Variants in ZNF264 observed in about 807,000 individuals in gnomAD.
ZNF264 encodes zinc finger protein 264.
ZNF264 carries 11 observed loss-of-function variants against 11.2 expected under a neutral mutation model. That is an observed-to-expected ratio of 0.98 (90% confidence interval 0.62 to 1.63). The LOEUF is 1.63. ZNF264 is among the 40% of genes most tolerant of loss of function. ZNF264 has a pLI of 0.00. For missense variants in ZNF264, 752 were observed against 768.1 expected (o/e 0.98, Z 0.25); for synonymous variants, 309 against 279.8 (o/e 1.10, Z -1.04).
Position 57,191,778 on chromosome 19 carries a change from C to G in ZNF264, c.-136C>G. 1 of 594,148 alleles carries G rather than the reference C, an allele frequency of 1.7e-6. No homozygotes were observed. Among genetic ancestry groups the G allele is most frequent in the Non-Finnish European group, 2.5e-6 (1 of 405,178 alleles). The allele number at this position is 594,148 out of a possible 1,614,324, so 36.8% of individuals were successfully genotyped here. A position where few individuals can be genotyped will look rare whatever the true frequency, so the allele number is the denominator to read the frequency against. ...AGGCGGCGGCCCTGCGTCTGGAACG[C>G]CGTTGCCACCGAGGAGGCGGCGGCC... On this transcript the variant is annotated 5_prime_UTR_variant, in exon 1 of 4. Coordinates refer to ENST00000263095, the MANE Select transcript of ZNF264 (RefSeq NM_003417.5).
rs540904580 is a variant in ZNF264 at position 57,214,544 on chromosome 19, G to C, written c.*1563G>C. On this transcript the variant is annotated 3_prime_UTR_variant, in exon 4 of 4. Coordinates refer to ENST00000263095, the MANE Select transcript of ZNF264 (RefSeq NM_003417.5). Reference sequence around the variant, plus strand: ...TTTTTGTATTTTTTGGTAGAGACAGGGTTTCACCATGGTGCCCAGGCTGGT... The same window carrying C: ...TTTTTGTATTTTTTGGTAGAGACAGCGTTTCACCATGGTGCCCAGGCTGGT... 1 of 152,156 alleles carries C rather than the reference G, an allele frequency of 6.6e-6. No homozygotes were observed. The highest frequency in any genetic ancestry group is 1.5e-5 in the Non-Finnish European group (1 of 68,088). The allele number at this position is 152,156 out of a possible 1,614,324, so 9.4% of individuals were successfully genotyped here.
rs1285217346 is a variant in ZNF264 at position 57,222,725 on chromosome 19, TTTG to T, written c.*9748_*9750del. The T allele has an allele frequency of 2.0e-5, 3 of 152,186 alleles. No homozygotes were observed. The highest frequency in any genetic ancestry group is 7.2e-5 in the African/African-American group (3 of 41,438). The allele number at this position is 152,186 out of a possible 1,614,324, so 9.4% of individuals were successfully genotyped here. A position where few individuals can be genotyped will look rare whatever the true frequency, so the allele number is the denominator to read the frequency against. ...ATATATGTAAACAATTTGTCATCCT[TTTG>T]TTGCTGCTTTTGAAACTAGTTCATG... On this transcript the variant is annotated 3_prime_UTR_variant, in exon 4 of 4. Coordinates refer to ENST00000263095, the MANE Select transcript of ZNF264 (RefSeq NM_003417.5).
intron 1 of ZNF264, among the ~76,000 whole-genome samples, chr19:57,193,038 AC>A (rs199911445): frequency 0.011 from 1,695 of 152,182 alleles, 41 homozygotes; most frequent in African/African-American, 0.039. Context: ...GCCCACAGAT[AC>A]GTTTTTCAGG....
chr19:57,200,184 G>C (rs10416185), intron 2 of ZNF264, among the ~76,000 whole-genome samples: 1 of 151,518 alleles, frequency 6.6e-6, no homozygotes, highest in East Asian at 1.9e-4. Flanking sequence ...TGCAACAAAA[G>C]GTGCATGCAC....
chr19:57,212,901 A>G lies in ZNF264; in HGVS notation c.1804A>G (p.Asn602Asp), dbSNP rs150134841. 17 of 1,614,046 alleles carry G rather than the reference A, an allele frequency of 1.1e-5. No homozygotes were observed. Among genetic ancestry groups the G allele is most frequent in the African/African-American group, 1.3e-5 (1 of 74,926 alleles). The change falls in exon 4 of 4, where the codon AAT becomes GAT. Residue 602 changes from asparagine to aspartate, a missense_variant. Transcript: ENST00000263095. ...KDFLNVTTEA[N>D]ILPEETSSSA... ...CTTTTTGAATGTAACCACTGAGGCA[A>G]ATATTTTGCCAGAGGAAACATCTTC...
chr19:57,221,744 G>C lies in ZNF264; in HGVS notation c.*8763G>C, dbSNP rs1001732144. The C allele has an allele frequency of 6.6e-6, 1 of 152,090 alleles. No homozygotes were observed. Among genetic ancestry groups the C allele is most frequent in the Non-Finnish European group, 1.5e-5 (1 of 68,024 alleles). The allele number at this position is 152,090 out of a possible 1,614,324, so 9.4% of individuals were successfully genotyped here. ...TCTGGACTTCCAGAAGGTTAGCAGG[G>C]GTTCAGCTTTTCAGCTGAAAACGTT... On this transcript the variant is annotated 3_prime_UTR_variant, in exon 4 of 4. Coordinates refer to ENST00000263095, the MANE Select transcript of ZNF264 (RefSeq NM_003417.5).
chr19:57,203,405 A>G (rs1333338485), intron 2 of ZNF264, among the ~76,000 whole-genome samples: 1 of 152,146 alleles, frequency 6.6e-6, no homozygotes, highest in East Asian at 1.9e-4. Context: ...GTCTCTCCCA[A>G]AGTCTGAAAA....
rs1402805591 is a variant in ZNF264, at chr19:57,214,853, G to C, written c.*1872G>C. On this transcript the variant is annotated 3_prime_UTR_variant, in exon 4 of 4. Transcript: ENST00000263095. The stretch of plus-strand genomic sequence containing the variant: ...CTACATCCTATTGATGGAATGTATT[G>C]CTTTGATCAAGTTTTGAATATTGAG... The C allele has an allele frequency of 1.3e-5, 2 of 152,104 alleles. No homozygotes were observed. Among genetic ancestry groups the C allele is most frequent in the African/African-American group, 4.8e-5 (2 of 41,400 alleles). The allele number at this position is 152,104 out of a possible 1,614,324, so 9.4% of individuals were successfully genotyped here. A position where few individuals can be genotyped will look rare whatever the true frequency, so the allele number is the denominator to read the frequency against.
chr19:57,200,252 C>G (rs1235408259), intron 2 of ZNF264, among the ~76,000 whole-genome samples: 1 of 151,802 alleles, frequency 6.6e-6, no homozygotes, highest in Non-Finnish European at 1.5e-5. Context: ...GAATGGGACC[C>G]TGAAACTTGG....
Position 57,193,952 on chromosome 19 carries a change from C to T in ZNF264, c.111C>T (p.Thr37=). ...GGCAGCTGGACCTAGCTCAGCGGAC[C>T]CTGTACCAGGAGGTGATGCTGGAAA... ...EWGQLDLAQR[T]LYQEVMLENC... Residue 37 remains threonine (T), a synonymous_variant, in exon 2 of 4, where the codon ACC becomes ACT. Transcript: ENST00000263095. 3 of 1,613,868 alleles carry T rather than the reference C, an allele frequency of 1.9e-6. No individual in the cohort carries two copies. The highest frequency in any genetic ancestry group is 1.7e-6 in the Non-Finnish European group (2 of 1,179,872).
intron 2 of ZNF264, among the ~76,000 whole-genome samples, chr19:57,202,931 G>T (rs867794848): frequency 6.6e-6 from 1 of 152,086 alleles, no homozygotes; most frequent in African/African-American, 2.4e-5. Flanking sequence ...CAACCTGTGG[G>T]ATCCGAAGCT....
chr19:57,215,255 G>T lies in ZNF264; in HGVS notation c.*2274G>T, dbSNP rs906617474. 1 of 152,208 alleles carries T rather than the reference G, an allele frequency of 6.6e-6. No individual in the cohort carries two copies. The highest frequency in any genetic ancestry group is 1.9e-4 in the East Asian group (1 of 5,182). 9.4% of individuals were successfully genotyped at this position (152,208 alleles called of 1,614,324 possible). ...TTTTATTGGATAGGTAGAACTATTC[G>T]AAGTATCTATTTCTTGTGTAATAAA... On this transcript the variant is annotated 3_prime_UTR_variant, in exon 4 of 4. Transcript: ENST00000263095.
chr19:57,192,456 C>G, intron 1 of ZNF264: 1 of 985,388 alleles, frequency 1.0e-6, no homozygotes, highest in Non-Finnish European at 1.2e-6. Context: ...GATGCCCTTA[C>G]TCTCATCGCT....
Position 57,212,026 on chromosome 19 carries a change from C to G in ZNF264, c.929C>G (p.Thr310Ser). Residue 310 changes from threonine to serine, a missense_variant, in exon 4 of 4, where the codon ACT (threonine) becomes AGT (serine). By Grantham distance (58) the Thr-to-Ser change is moderately conservative (BLOSUM62 1). Transcript: ENST00000263095. ...TTTGTCTTGCATAACAGGAGACACA[C>G]TGGAGAAAAATCCTTTGTGTGCACA... ...SNFVLHNRRHTGEKSFVCTEC... is the reference protein window; with the variant it reads ...SNFVLHNRRHSGEKSFVCTEC... The G allele has an allele frequency of 6.2e-7, 1 of 1,614,086 alleles. No homozygotes were observed. The highest frequency in any genetic ancestry group is 8.5e-7 in the Non-Finnish European group (1 of 1,180,010).
At chr19:57,210,002 G>T (rs1025590266) in intron 3 of ZNF264, among the ~76,000 whole-genome samples, 1 of 152,014 alleles carries the variant, frequency 6.6e-6, no homozygotes. Flanking sequence ...GTCAAGCCAG[G>T]TCCTCTTACC....
rs751754155 is a variant in ZNF264 at position 57,211,889 on chromosome 19, T to C, written c.792T>C (p.Cys264=). Residue 264 remains cysteine, a synonymous_variant, in exon 4 of 4, where the codon TGT becomes TGC. Transcript: ENST00000263095. The stretch of plus-strand genomic sequence containing the variant: ...AGAGGCCCTATGAGTGCATGGAGTG[T>C]GGAAAGGCCTTCAACCGCAAGTCAT... ...TGERPYECME[C]GKAFNRKSYL... 1.9e-6 allele frequency: 3 copies of C among 1,614,092 alleles called. No homozygotes were observed. Among genetic ancestry groups the C allele is most frequent in the Non-Finnish European group, 2.5e-6 (3 of 1,180,016 alleles).
rs1388517533 is a variant in ZNF264 at position 57,218,650 on chromosome 19, T to A, written c.*5669T>A. On this transcript the variant is annotated 3_prime_UTR_variant, in exon 4 of 4. Coordinates refer to ENST00000263095, the MANE Select transcript of ZNF264 (RefSeq NM_003417.5). ...CTCCCATGGGTCCTTCAGGCTCTCA[T>A]CTTTTTTCTTTTTCCAGTCTATTTT... is the stretch of plus-strand genomic sequence containing the variant. 2 of 152,234 alleles carry A rather than the reference T, an allele frequency of 1.3e-5. No individual in the cohort carries two copies. The highest frequency in any genetic ancestry group is 2.9e-5 in the Non-Finnish European group (2 of 68,044). 9.4% of individuals were successfully genotyped at this position (152,234 alleles called of 1,614,324 possible). A position where few individuals can be genotyped will look rare whatever the true frequency, so the allele number is the denominator to read the frequency against.
chr19:57,213,459 GC>G lies in ZNF264; in HGVS notation c.*479del, dbSNP rs1471663708. ...GCATAACTTTATGACAACTTAGGGG[GC>G]TTGAGCCATGAAATACTCACGTTTA... On this transcript the variant is annotated 3_prime_UTR_variant, in exon 4 of 4. Coordinates refer to ENST00000263095, the MANE Select transcript of ZNF264 (RefSeq NM_003417.5). 78 of 155,132 alleles carry G rather than the reference GC, an allele frequency of 5.0e-4. No individual in the cohort carries two copies. The highest frequency in any genetic ancestry group is 1.9e-4 in the Admixed American group (3 of 16,010). 9.6% of individuals were successfully genotyped at this position (155,132 alleles called of 1,614,324 possible). A position where few individuals can be genotyped will look rare whatever the true frequency, so the allele number is the denominator to read the frequency against.
At chr19:57,196,978 C>G (rs1188443684) in intron 2 of ZNF264, among the ~76,000 whole-genome samples, 3 of 152,050 alleles carry the variant, frequency 2.0e-5, no homozygotes, top group Admixed American at 2.0e-4. Context: ...CCCTTCGCCA[C>G]TCTCCTTCAG....
Sources: gnomAD v4.1 joint callset for allele counts (sites outside exome capture counted in the v4.1 genomes callset) on GRCh38, gnomAD v4.1.1 for gene constraint, MANE v1.5 for transcripts, NCBI Gene and HGNC (gene_info 2026-07-23, HGNC 2026-07-21) for gene names.